Variants in ENTREP2 observed in about 807,000 individuals in gnomAD.
The protein encoded by ENTREP2 is protein ENTREP2.
the ENTREP2 span, among the ~76,000 whole-genome samples, chr15:29,382,323 ACGGG>A: frequency 2.7e-5 from 4 of 150,708 alleles, no homozygotes; most frequent in South Asian, 8.3e-4. Context: ...AACCCCACCC[ACGGG>A]CCACCTGGCC....
chr15:29,267,401 A>G, the ENTREP2 span: 1 of 152,246 alleles, frequency 6.6e-6, no homozygotes, highest in Non-Finnish European at 1.5e-5. Context: ...CATTTAGTGC[A>G]TAAAACTATT....
the ENTREP2 span, among the ~76,000 whole-genome samples, chr15:29,645,548 C>CTTAT: frequency 0.015 from 2,266 of 151,356 alleles, 47 homozygotes; most frequent in African/African-American, 0.049. Context: ...ATGTGATTAC[C>CTTAT]TTATTTATTT....
chr15:29,426,082 TAAC>T, the ENTREP2 span, among the ~76,000 whole-genome samples: 1 of 151,750 alleles, frequency 6.6e-6, no homozygotes, highest in Non-Finnish European at 1.5e-5. Context: ...TTTATTTTAA[TAAC>T]AAGTAAAGGT....
chr15:29,214,289 C>A, the ENTREP2 span, among the ~76,000 whole-genome samples: 513 of 152,282 alleles, frequency 3.4e-3, 5 homozygotes, highest in African/African-American at 0.012. Flanking sequence ...GGAACCAACC[C>A]CAATGTCCAA....
chr15:29,594,367 G>A, the ENTREP2 span, among the ~76,000 whole-genome samples: 1 of 152,080 alleles, frequency 6.6e-6, no homozygotes, highest in Non-Finnish European at 1.5e-5. Flanking sequence ...TAGCGTGTAG[G>A]AGCTTCCTCC....
the ENTREP2 span, among the ~76,000 whole-genome samples, chr15:29,231,983 A>G: frequency 6.8e-6 from 1 of 148,030 alleles, no homozygotes; most frequent in African/African-American, 2.5e-5. Context: ...TCCGCCTCCC[A>G]GGTTCAAGCG....
At chr15:29,569,049 C>G in the ENTREP2 span, among the ~76,000 whole-genome samples, 1 of 152,154 alleles carries the variant, frequency 6.6e-6, no homozygotes, top group Non-Finnish European at 1.5e-5. Flanking sequence ...TCAGTGCCCG[C>G]TAGACAGACA....
chr15:29,474,970 C>A, the ENTREP2 span, among the ~76,000 whole-genome samples: 3 of 152,248 alleles, frequency 2.0e-5, no homozygotes, highest in East Asian at 5.8e-4. Flanking sequence ...TGTGGAAGCA[C>A]CTCCTTATAT....
the ENTREP2 span, among the ~76,000 whole-genome samples, chr15:29,261,964 AGAAAG>A: frequency 1.4e-5 from 2 of 144,846 alleles, no homozygotes; most frequent in Non-Finnish European, 2.9e-5. Context: ...GAAAGTAAAA[AGAAAG>A]GAAACATAAA....
At chr15:29,395,423 T>C in the ENTREP2 span, among the ~76,000 whole-genome samples, 9 of 152,178 alleles carry the variant, frequency 5.9e-5, no homozygotes, top group Non-Finnish European at 1.0e-4. Flanking sequence ...GAAAACAGTA[T>C]AAACCTCCTC....
chr15:29,518,505 C>G, the ENTREP2 span, among the ~76,000 whole-genome samples: 1 of 152,096 alleles, frequency 6.6e-6, no homozygotes, highest in African/African-American at 2.4e-5. Context: ...AGGAGGCGTG[C>G]CATGGACATG....
At chr15:29,174,842 A>G in the ENTREP2 span, among the ~76,000 whole-genome samples, 5 of 152,228 alleles carry the variant, frequency 3.3e-5, no homozygotes, top group Non-Finnish European at 5.9e-5. Context: ...ATAACACACT[A>G]AAACCTTTGA....
At chr15:29,494,051 A>C in the ENTREP2 span, among the ~76,000 whole-genome samples, 71,563 of 151,968 alleles carry the variant, frequency 0.47, 18,193 homozygotes, top group African/African-American at 0.68. Flanking sequence ...TTCAATATTT[A>C]ATGGGAATTC....
the ENTREP2 span, among the ~76,000 whole-genome samples, chr15:29,417,680 C>T: frequency 2.4e-4 from 37 of 151,654 alleles, 1 homozygote; most frequent in East Asian, 5.8e-3. Context: ...TAATAATCTA[C>T]GTAAAAAAAG....
At chr15:29,307,947 C>T in the ENTREP2 span, among the ~76,000 whole-genome samples, 1 of 152,038 alleles carries the variant, frequency 6.6e-6, no homozygotes, top group Non-Finnish European at 1.5e-5. Flanking sequence ...ACTAAAATAC[C>T]TATTAATGAG....
chr15:29,671,207 C>G, the ENTREP2 span, among the ~76,000 whole-genome samples: 2 of 152,228 alleles, frequency 1.3e-5, no homozygotes, highest in African/African-American at 2.4e-5. Flanking sequence ...TCCATGCGGA[C>G]AGAACCTCCT....
chr15:29,207,267 T>C, the ENTREP2 span, among the ~76,000 whole-genome samples: 1 of 152,156 alleles, frequency 6.6e-6, no homozygotes, highest in African/African-American at 2.4e-5. Flanking sequence ...GTGTCCAGAA[T>C]TGGTTCCCGC....
At chr15:29,185,675 C>T in the ENTREP2 span, among the ~76,000 whole-genome samples, 1 of 152,306 alleles carries the variant, frequency 6.6e-6, no homozygotes, top group East Asian at 1.9e-4. Flanking sequence ...GATTCTCCTG[C>T]CTCAGCCTCC....
the ENTREP2 span, among the ~76,000 whole-genome samples, chr15:29,441,675 A>C: frequency 6.6e-6 from 1 of 152,166 alleles, no homozygotes; most frequent in East Asian, 1.9e-4. Flanking sequence ...ATTATCAGAA[A>C]TTACACAAGT....
Sources: gnomAD v4.1 joint callset for allele counts (sites outside exome capture counted in the v4.1 genomes callset) on GRCh38, gnomAD v4.1.1 for gene constraint, MANE v1.5 for transcripts, NCBI Gene and HGNC (gene_info 2026-07-23, HGNC 2026-07-21) for gene names.